XPR1: variants seen among roughly 807,000 people sequenced by gnomAD.
XPR1 encodes solute carrier family 53 member 1.
A neutral mutation model predicts 87.5 loss-of-function variants in XPR1; 28 were observed. The observed-to-expected ratio is 0.32, with a 90% CI of 0.24 to 0.44. The LOEUF (loss-of-function observed/expected upper bound fraction) is 0.44. Ranked by LOEUF, XPR1 falls within the 20% of genes least tolerant of loss-of-function variation. The pLI is 1.00. For synonymous variants in XPR1, 300 were observed against 306.1 expected (o/e 0.98, Z 0.21); for missense variants, 559 against 862.3 (o/e 0.65, Z 4.41).
At chr1:180,637,701 G>A (rs536428873) in intron 1 of XPR1, among the ~76,000 whole-genome samples, 25 of 152,132 alleles carry the variant, frequency 1.6e-4, no homozygotes, top group Non-Finnish European at 2.5e-4. Context: ...TTACAGGCGC[G>A]CGCAACTACA....
At chr1:180,881,905 G>C (rs1298680800) in intron 14 of XPR1, among the ~76,000 whole-genome samples, 1 of 152,180 alleles carries the variant, frequency 6.6e-6, no homozygotes, top group Non-Finnish European at 1.5e-5. Flanking sequence ...TAGTCAGGGA[G>C]GTAATAGGAA....
intron 1 of XPR1, among the ~76,000 whole-genome samples, chr1:180,674,713 C>A (rs549496221): frequency 6.6e-6 from 1 of 152,150 alleles, no homozygotes; most frequent in Non-Finnish European, 1.5e-5. Context: ...TTTTCATACA[C>A]ATTGTCTGAC....
intron 1 of XPR1, among the ~76,000 whole-genome samples, chr1:180,681,576 G>A (rs1352943502): frequency 6.6e-6 from 1 of 152,210 alleles, no homozygotes; most frequent in Non-Finnish European, 1.5e-5. Flanking sequence ...AACCTGGGAG[G>A]CAGAGCTTGC....
At chr1:180,801,351 C>T (rs890940725) in intron 3 of XPR1, among the ~76,000 whole-genome samples, 1 of 152,022 alleles carries the variant, frequency 6.6e-6, no homozygotes, top group Non-Finnish European at 1.5e-5. Context: ...GTTGGAGAGG[C>T]GTAAGAGTGG....
At chr1:180,711,507 G>A (rs1445651772) in intron 2 of XPR1, among the ~76,000 whole-genome samples, 2 of 152,060 alleles carry the variant, frequency 1.3e-5, no homozygotes, top group African/African-American at 2.4e-5. Context: ...GCAGGCACTC[G>A]GCAGGCTGAG....
At chr1:180,784,194 C>T (rs1376984133) in intron 2 of XPR1, among the ~76,000 whole-genome samples, 1 of 152,056 alleles carries the variant, frequency 6.6e-6, no homozygotes, top group African/African-American at 2.4e-5. Context: ...CTAAAATTTA[C>T]ATTTCCATCA....
At chr1:180,731,274 C>T (rs1337149783) in intron 2 of XPR1, among the ~76,000 whole-genome samples, 1 of 152,144 alleles carries the variant, frequency 6.6e-6, no homozygotes, top group Non-Finnish European at 1.5e-5. Context: ...CTGCTTGCCA[C>T]ACAGAAAGCT....
At chr1:180,725,357 G>A (rs1162563496) in intron 2 of XPR1, among the ~76,000 whole-genome samples, 1 of 152,104 alleles carries the variant, frequency 6.6e-6, no homozygotes, top group Non-Finnish European at 1.5e-5. Flanking sequence ...GAGAGTATAG[G>A]GACAGGGAGT....
intron 2 of XPR1, among the ~76,000 whole-genome samples, chr1:180,708,923 C>T (rs1474251730): frequency 2.8e-4 from 5 of 17,572 alleles, no homozygotes; most frequent in African/African-American, 4.4e-4. Context: ...GGGGGGGGGG[C>T]GGGGGCGGGG....
At chr1:180,729,927 C>A (rs1055105420) in intron 2 of XPR1, among the ~76,000 whole-genome samples, 1 of 152,152 alleles carries the variant, frequency 6.6e-6, no homozygotes, top group African/African-American at 2.4e-5. Context: ...GATTTTGTTG[C>A]AATTGCTTTT....
intron 2 of XPR1, among the ~76,000 whole-genome samples, chr1:180,776,337 T>G (rs181400296): frequency 1.1e-4 from 16 of 152,166 alleles, no homozygotes; most frequent in African/African-American, 3.6e-4. Flanking sequence ...ACCAAATACA[T>G]AAAGTAGTTA....
chr1:180,789,595 T>A (rs908675752), intron 3 of XPR1, among the ~76,000 whole-genome samples: 2 of 152,156 alleles, frequency 1.3e-5, no homozygotes, highest in Non-Finnish European at 2.9e-5. Context: ...TTTTTTCCTT[T>A]TTTTTTGGAG....
intron 2 of XPR1, among the ~76,000 whole-genome samples, chr1:180,737,375 A>G (rs1199539502): frequency 4.6e-5 from 7 of 152,248 alleles, no homozygotes; most frequent in Non-Finnish European, 5.9e-5. Context: ...AAAACGTGAT[A>G]TACTATTTTC....
chr1:180,787,903 G>T (rs1358839847), intron 3 of XPR1, 49 bp downstream of exon 3: 2 of 1,340,832 alleles, frequency 1.5e-6, no homozygotes, highest in Non-Finnish European at 2.1e-6. Flanking sequence ...AGGATAAATT[G>T]TACCATATCA....
chr1:180,840,582 A>G (rs774795020), intron 11 of XPR1, among the ~76,000 whole-genome samples: 8,200 of 98,652 alleles, frequency 0.083, 309 homozygotes, highest in African/African-American at 0.11. Context: ...ATATATATAT[A>G]TATATATAAA....
rs186685151 is a variant in XPR1 at position 180,769,160 on chromosome 1, A to T, written c.122-18593A>T. Among the ~76,000 whole-genome samples the T allele has an allele frequency of 1.8e-3, 277 of 152,228 alleles. 1 individual carries two copies. The highest frequency in any genetic ancestry group is 2.7e-3 in the Non-Finnish European group (186 of 68,020). ...GTAGGTGTATATAGTTATAGGGTACATGAGATGCTTTCATACAGGGATGCA... is the reference window on the plus strand; with the variant it reads ...GTAGGTGTATATAGTTATAGGGTACTTGAGATGCTTTCATACAGGGATGCA... On this transcript the variant is annotated intron_variant, in intron 2 of 14. Transcript: ENST00000367590.
intron 14 of XPR1, 53 bp downstream of exon 14, chr1:180,880,350 G>A: frequency 6.3e-7 from 1 of 1,596,910 alleles, no homozygotes; most frequent in Non-Finnish European, 8.6e-7. Flanking sequence ...TTTTAGCATT[G>A]GGTAGCATGT....
chr1:180,728,090 G>T (rs1052659217), intron 2 of XPR1, among the ~76,000 whole-genome samples: 9 of 152,138 alleles, frequency 5.9e-5, no homozygotes, highest in Non-Finnish European at 1.3e-4. Flanking sequence ...AGATGGAGTT[G>T]CTCTGGTTCA....
At chr1:180,739,903 G>A (rs1324686057) in intron 2 of XPR1, among the ~76,000 whole-genome samples, 2 of 151,912 alleles carry the variant, frequency 1.3e-5, no homozygotes, top group Non-Finnish European at 2.9e-5. Flanking sequence ...ATGGAGATGG[G>A]GTTTCACCAT....
Sources: allele counts gnomAD v4.1 joint callset (sites outside exome capture counted in the v4.1 genomes callset), GRCh38; gene constraint gnomAD v4.1.1; transcripts MANE v1.5; gene names NCBI Gene and HGNC (gene_info 2026-07-23, HGNC 2026-07-21).